NRG1: variants seen among roughly 807,000 people sequenced by gnomAD.
The protein encoded by NRG1 is neuregulin 1.
In NRG1, 18 loss-of-function variants were observed where a neutral mutation model predicts 63.8. That is an observed-to-expected ratio of 0.28 (90% CI 0.19 to 0.42). NRG1 has a LOEUF of 0.42. Ranked by LOEUF, NRG1 falls within the 10% of genes least tolerant of loss-of-function variation. The pLI is 1.00. For missense variants in NRG1, 762 were observed against 814.7 expected (o/e 0.94, Z 0.79); for synonymous variants, 302 against 301.3 (o/e 1.00, Z -0.02).
intron 1 of NRG1, among the ~76,000 whole-genome samples, chr8:32,044,719 A>G (rs1820649824): frequency 7.2e-6 from 1 of 138,964 alleles, no homozygotes; most frequent in Admixed American, 7.3e-5. Context: ...CTCTACAGTC[A>G]AAGAAGAAGT....
chr8:32,729,099 G>A (rs1589455006), intron 6 of NRG1, among the ~76,000 whole-genome samples: 1 of 151,908 alleles, frequency 6.6e-6, no homozygotes, highest in Admixed American at 6.6e-5. Context: ...AAATAAAGAA[G>A]TATCCAATTT....
At chr8:32,691,215 C>T (rs375228138) in intron 5 of NRG1, among the ~76,000 whole-genome samples, 5 of 152,140 alleles carry the variant, frequency 3.3e-5, no homozygotes, top group South Asian at 4.1e-4. Context: ...AAAAAATTAG[C>T]TGGACATGGT....
intron 1 of NRG1, among the ~76,000 whole-genome samples, chr8:32,218,413 G>A (rs1586163511): frequency 6.6e-6 from 1 of 152,206 alleles, no homozygotes; most frequent in African/African-American, 2.4e-5. Context: ...CATCACGGGG[G>A]TGCTCTGAAC....
chr8:31,795,377 T>C (rs1391488529), intron 1 of NRG1, among the ~76,000 whole-genome samples: 2 of 152,158 alleles, frequency 1.3e-5, no homozygotes, highest in African/African-American at 2.4e-5. Context: ...ATTCTGTTCT[T>C]ATTGGAAGTG....
intron 1 of NRG1, among the ~76,000 whole-genome samples, chr8:32,135,530 G>T (rs779003708): frequency 1.3e-5 from 2 of 152,084 alleles, no homozygotes; most frequent in Non-Finnish European, 2.9e-5. Context: ...AGAATTAAAG[G>T]ATAATTCCAA....
chr8:32,693,846 T>C (rs1465794588), intron 5 of NRG1, among the ~76,000 whole-genome samples: 1 of 152,238 alleles, frequency 6.6e-6, no homozygotes, highest in Non-Finnish European at 1.5e-5. Context: ...GTTCCCTTGT[T>C]CCTACATATG....
intron 1 of NRG1, among the ~76,000 whole-genome samples, chr8:32,564,534 T>G (rs942930926): frequency 1.3e-5 from 2 of 152,232 alleles, no homozygotes; most frequent in South Asian, 4.1e-4. Flanking sequence ...AGAATTATTT[T>G]CAGAAATTTA....
chr8:32,403,293 C>T (rs1813476159), intron 1 of NRG1, among the ~76,000 whole-genome samples: 1 of 86,530 alleles, frequency 1.2e-5, no homozygotes. Context: ...GAGCGACACT[C>T]TGTCTCAAAA....
chr8:32,529,820 C>T (rs1831258305), intron 1 of NRG1, among the ~76,000 whole-genome samples: 1 of 152,170 alleles, frequency 6.6e-6, no homozygotes, highest in Admixed American at 6.5e-5. Flanking sequence ...TTCTGGATAC[C>T]TCCTGAAGGA....
At chr8:32,753,869 T>C (rs1229108076) in intron 7 of NRG1, among the ~76,000 whole-genome samples, 1 of 151,808 alleles carries the variant, frequency 6.6e-6, no homozygotes, top group African/African-American at 2.4e-5. Flanking sequence ...ATAAAATATC[T>C]GGGAAATACA....
chr8:32,200,571 G>T (rs567555735), intron 1 of NRG1, among the ~76,000 whole-genome samples: 1 of 152,082 alleles, frequency 6.6e-6, no homozygotes. Context: ...CTTTGTATTT[G>T]AGAACAAGGC....
At chr8:32,407,932 G>C (rs1438545081) in intron 1 of NRG1, among the ~76,000 whole-genome samples, 1 of 152,200 alleles carries the variant, frequency 6.6e-6, no homozygotes, top group African/African-American at 2.4e-5. Context: ...AGGATGGAAG[G>C]AATCTGAGAA....
rs887057971 is a variant in NRG1 at position 31,687,827 on chromosome 8, C to A, written c.37+48396C>A. ...CCAAAGTGGCCAGGTCTTTGTAAAC[C>A]ACCTCCATTAGTAAATGGATGCGGC... On this transcript the variant is annotated intron_variant, in intron 1 of 10. Coordinates refer to the NRG1 transcript ENST00000519301. 7.2e-4 allele frequency among the ~76,000 whole-genome samples: 110 copies of A among 152,200 alleles called. 2 individuals carry two copies. The highest frequency in any genetic ancestry group is 4.1e-4 in the Non-Finnish European group (28 of 68,036).
intron 1 of NRG1, among the ~76,000 whole-genome samples, chr8:31,893,546 C>G (rs1188679824): frequency 7.3e-5 from 11 of 150,940 alleles, no homozygotes; most frequent in Admixed American, 7.3e-4. Context: ...ATTAATATAC[C>G]TAGCATATAA....
At chr8:32,068,952 G>T (rs1825319922) in intron 1 of NRG1, among the ~76,000 whole-genome samples, 1 of 152,200 alleles carries the variant, frequency 6.6e-6, no homozygotes, top group African/African-American at 2.4e-5. Flanking sequence ...GAAGGCATGT[G>T]TGGAATACTT....
chr8:32,504,358 A>G (rs2347494), intron 1 of NRG1, among the ~76,000 whole-genome samples: 25,852 of 152,234 alleles, frequency 0.17, 2,576 homozygotes, highest in Admixed American at 0.31. Flanking sequence ...AGTTTTATTT[A>G]CCAAAGATTA....
chr8:31,927,587 T>C (rs1834479001), intron 1 of NRG1, among the ~76,000 whole-genome samples: 2 of 149,146 alleles, frequency 1.3e-5, no homozygotes, highest in Non-Finnish European at 3.0e-5. Flanking sequence ...TAGCTGGGAC[T>C]ACAGGCGCCC....
At chr8:32,444,706 C>A (rs529434631) in intron 1 of NRG1, among the ~76,000 whole-genome samples, 1 of 152,178 alleles carries the variant, frequency 6.6e-6, no homozygotes, top group Non-Finnish European at 1.5e-5. Context: ...GAACAGCATT[C>A]TTTCCTGGGA....
intron 1 of NRG1, among the ~76,000 whole-genome samples, chr8:31,665,352 GCT>G (rs1445331930): frequency 3.3e-5 from 5 of 152,254 alleles, no homozygotes; most frequent in African/African-American, 9.6e-5. Flanking sequence ...ACACAGAAAT[GCT>G]CTGAGAACAA....
Sources: gnomAD v4.1 joint callset for allele counts (sites outside exome capture counted in the v4.1 genomes callset) on GRCh38, gnomAD v4.1.1 for gene constraint, MANE v1.5 for transcripts, NCBI Gene and HGNC (gene_info 2026-07-23, HGNC 2026-07-21) for gene names.